PIP4K2A: variants seen among roughly 807,000 people sequenced by gnomAD.
PIP4K2A encodes the protein phosphatidylinositol-5-phosphate 4-kinase type 2 alpha, also known as phosphatidylinositol 5-phosphate 4-kinase type-2 alpha.
In PIP4K2A, 14 loss-of-function variants were observed where a neutral mutation model predicts 42.9. That is an observed-to-expected ratio of 0.33 (90% CI 0.22 to 0.51). PIP4K2A has a LOEUF of 0.51. PIP4K2A is among the 20% of genes least tolerant of loss of function. PIP4K2A has a pLI of 0.97. For synonymous variants in PIP4K2A, 192 were observed against 192.2 expected (o/e 1.00, Z 0.01); for missense variants, 434 against 519.8 (o/e 0.83, Z 1.61).
chr10:22,581,288 T>TTCTAGATGCCTAAGATGCAGCCA (rs71395803), intron 4 of PIP4K2A, among the ~76,000 whole-genome samples: 1 of 151,974 alleles, frequency 6.6e-6, no homozygotes, highest in Non-Finnish European at 1.5e-5. Flanking sequence ...GAGCGGAGGC[T>TTCTAGATGCCTAAGATGCAGCCA]TGACATTGAG....
At chr10:22,670,386 T>C (rs950051297) in intron 1 of PIP4K2A, among the ~76,000 whole-genome samples, 1 of 152,076 alleles carries the variant, frequency 6.6e-6, no homozygotes, top group African/African-American at 2.4e-5. Context: ...CAAAACAGTA[T>C]GATAGCCAAC....
chr10:22,550,948 G>A (rs892074948), intron 6 of PIP4K2A, among the ~76,000 whole-genome samples, 176 bp from the exon 7 acceptor site: 5 of 152,168 alleles, frequency 3.3e-5, no homozygotes, highest in African/African-American at 1.2e-4. Flanking sequence ...ACCACCGGGG[G>A]GCGCCAGTGA....
At chr10:22,618,124 C>T (rs771259032) in intron 1 of PIP4K2A, among the ~76,000 whole-genome samples, 3 of 152,190 alleles carry the variant, frequency 2.0e-5, no homozygotes, top group African/African-American at 7.2e-5. Context: ...CTGGCTTCTA[C>T]AAATGGATGC....
chr10:22,636,625 T>C (rs182943944), intron 1 of PIP4K2A, among the ~76,000 whole-genome samples: 106 of 151,984 alleles, frequency 7.0e-4, no homozygotes, highest in African/African-American at 2.5e-3. Flanking sequence ...AGCAAAACTT[T>C]CTGAAAGTTT....
chr10:22,550,965 A>G (rs1836397402), intron 6 of PIP4K2A, among the ~76,000 whole-genome samples, 193 bp from the exon 7 acceptor site: 1 of 152,194 alleles, frequency 6.6e-6, no homozygotes, highest in Admixed American at 6.5e-5. Context: ...GTGAGCCCCA[A>G]TCTCTGGAAG....
chr10:22,581,980 G>T (rs1289766589), intron 4 of PIP4K2A, among the ~76,000 whole-genome samples: 2 of 151,878 alleles, frequency 1.3e-5, no homozygotes, highest in Non-Finnish European at 2.9e-5. Context: ...GCCAGGTGTG[G>T]TGGCGCATGC....
chr10:22,693,055 T>A (rs1450999549), intron 1 of PIP4K2A, among the ~76,000 whole-genome samples: 1 of 152,232 alleles, frequency 6.6e-6, no homozygotes, highest in African/African-American at 2.4e-5. Flanking sequence ...TATCCATTAA[T>A]TTTAGTCCTG....
chr10:22,585,965 C>A (rs1343505973), intron 4 of PIP4K2A, among the ~76,000 whole-genome samples: 3 of 138,090 alleles, frequency 2.2e-5, no homozygotes, highest in South Asian at 2.2e-4. Flanking sequence ...CACGTCAGTG[C>A]GGGGAAAAAA....
rs968697048 is a variant in PIP4K2A, at chr10:22,574,611, T to C, written c.493-1154A>G. Among the ~76,000 whole-genome samples the C allele has an allele frequency of 4.6e-5, 7 of 152,288 alleles. No homozygotes were observed. In the East Asian group the frequency reaches 9.7e-4, roughly 21 times the overall value. ...TTTGATCATTAAAGATAAACAGCAT[T>C]GGTACTTGATTCTGATTTTTGCCAT... On this transcript the variant is annotated intron_variant, in intron 4 of 9. Transcript: ENST00000376573.
chr10:22,641,468 G>T (rs139388606), intron 1 of PIP4K2A, among the ~76,000 whole-genome samples: 75 of 151,822 alleles, frequency 4.9e-4, no homozygotes, highest in African/African-American at 1.6e-3. Flanking sequence ...TAAAGATGGG[G>T]TCTTGCTCTG....
chr10:22,627,681 T>C (rs1440603734), intron 1 of PIP4K2A, among the ~76,000 whole-genome samples: 1 of 140,818 alleles, frequency 7.1e-6, no homozygotes, highest in African/African-American at 2.6e-5. Flanking sequence ...CTGGGATACA[T>C]GACACATTGT....
At chr10:22,577,548 C>T (rs1312977040) in intron 4 of PIP4K2A, among the ~76,000 whole-genome samples, 3 of 152,214 alleles carry the variant, frequency 2.0e-5, no homozygotes, top group Non-Finnish European at 4.4e-5. Flanking sequence ...GATGCTGACA[C>T]CATGCTTCTT....
At chr10:22,677,877 C>T (rs1047916656) in intron 1 of PIP4K2A, among the ~76,000 whole-genome samples, 4 of 152,054 alleles carry the variant, frequency 2.6e-5, no homozygotes, top group East Asian at 1.9e-4. Context: ...AGTAACAATT[C>T]GGAGATTTGC....
At chr10:22,703,148 C>T (rs1833748237) in intron 1 of PIP4K2A, among the ~76,000 whole-genome samples, 1 of 152,100 alleles carries the variant, frequency 6.6e-6, no homozygotes, top group African/African-American at 2.4e-5. Context: ...GTTCATGCCT[C>T]TAATCCCAGC....
chr10:22,546,019 T>C (rs898913413), intron 7 of PIP4K2A, among the ~76,000 whole-genome samples: 18 of 152,194 alleles, frequency 1.2e-4, no homozygotes, highest in African/African-American at 4.1e-4. Context: ...GAGGTAGAAA[T>C]GGGAAAAACC....
chr10:22,702,394 G>GTAATA (rs1833731807), intron 1 of PIP4K2A, among the ~76,000 whole-genome samples: 2 of 152,174 alleles, frequency 1.3e-5, no homozygotes, highest in South Asian at 2.1e-4. Context: ...GAACAAGTCA[G>GTAATA]TAATAACACT....
chr10:22,591,399 G>T (rs913206201), intron 4 of PIP4K2A, among the ~76,000 whole-genome samples: 1 of 152,212 alleles, frequency 6.6e-6, no homozygotes, highest in Non-Finnish European at 1.5e-5. Context: ...GAGTATTTAG[G>T]TTAAAAGTGT....
intron 1 of PIP4K2A, among the ~76,000 whole-genome samples, chr10:22,630,900 G>T (rs16922530): frequency 6.6e-6 from 1 of 152,042 alleles, no homozygotes. Context: ...GCAGACTCAG[G>T]CAAGGTTTGA....
At chr10:22,646,448 G>C (rs1172882076) in intron 1 of PIP4K2A, among the ~76,000 whole-genome samples, 1 of 152,192 alleles carries the variant, frequency 6.6e-6, no homozygotes, top group Middle Eastern at 3.4e-3. Context: ...TTGGTTTCTG[G>C]TTATCTTGTA....
Sources: allele counts gnomAD v4.1 joint callset (sites outside exome capture counted in the v4.1 genomes callset), GRCh38; gene constraint gnomAD v4.1.1; transcripts MANE v1.5; gene names NCBI Gene and HGNC (gene_info 2026-07-23, HGNC 2026-07-21).